The following ZCCHC14 variants were observed in gnomAD, a reference collection of about 807,000 sequenced individuals.
ZCCHC14 encodes the protein zinc finger CCHC-type containing 14.
ZCCHC14 carries 16 observed loss-of-function variants against 85.0 expected under a neutral mutation model. The observed-to-expected ratio is 0.19, with a 90% CI of 0.13 to 0.29. The LOEUF (loss-of-function observed/expected upper bound fraction) is 0.29, where lower values mean the gene tolerates loss of function less well. Ranked by LOEUF, ZCCHC14 falls within the 10% of genes least tolerant of loss-of-function variation. ZCCHC14 has a pLI of 1.00. For missense variants in ZCCHC14, 1,303 were observed against 1,443.5 expected, an observed-to-expected ratio of 0.90 and a Z score of 1.58; for synonymous variants, 775 against 630.7, an observed-to-expected ratio of 1.23 and a Z score of -3.43.
chr16:87,467,118 C>T, intron 1 of ZCCHC14: 2 of 768,222 alleles, frequency 2.6e-6, no homozygotes, highest in South Asian at 3.1e-5. Flanking sequence ...CTCCTGGCCT[C>T]AAAAGTGGTC....
At chr16:87,423,952 T>A (rs774003215) in intron 3 of ZCCHC14, 71 bp from the exon 4 acceptor site, 36 of 1,533,464 alleles carry the variant, frequency 2.3e-5, no homozygotes, top group Non-Finnish European at 3.2e-5. Flanking sequence ...CGTGTCCTGG[T>A]ACGACTGGGG....
At chr16:87,423,675 C>T (rs1054671554) in intron 4 of ZCCHC14, 135 bp downstream of exon 4, 1 of 941,166 alleles carries the variant, frequency 1.1e-6, no homozygotes, top group African/African-American at 1.7e-5. Flanking sequence ...TCCACTGTGG[C>T]TGGGCAGGAG....
At chr16:87,482,431 G>A (rs571012112) in intron 1 of ZCCHC14, among the ~76,000 whole-genome samples, 1 of 152,184 alleles carries the variant, frequency 6.6e-6, no homozygotes, top group Non-Finnish European at 1.5e-5. Context: ...CAGAACTGGC[G>A]AAGGCAGCGA....
At chr16:87,480,905 G>A (rs1479845476) in intron 1 of ZCCHC14, among the ~76,000 whole-genome samples, 1 of 152,212 alleles carries the variant, frequency 6.6e-6, no homozygotes, top group Non-Finnish European at 1.5e-5. Flanking sequence ...AGAAAGCACA[G>A]TGAGTAGGAG....
chr16:87,466,382 A>G (rs1387230052), intron 1 of ZCCHC14, among the ~76,000 whole-genome samples: 1 of 152,248 alleles, frequency 6.6e-6, no homozygotes, highest in African/African-American at 2.4e-5. Context: ...GGTCTGCAGA[A>G]GACTCGCTGC....
chr16:87,484,107 G>A (rs1278900015), intron 1 of ZCCHC14, among the ~76,000 whole-genome samples: 1 of 152,220 alleles, frequency 6.6e-6, no homozygotes, highest in African/African-American at 2.4e-5. Context: ...TGGTTTCTCT[G>A]GAAGGTTCTA....
chr16:87,477,982 A>G (rs1912099590), intron 1 of ZCCHC14, among the ~76,000 whole-genome samples: 1 of 150,524 alleles, frequency 6.6e-6, no homozygotes, highest in Non-Finnish European at 1.5e-5. Context: ...GCTGCCCATC[A>G]TTGCATGCAC....
At chr16:87,441,781 G>T (rs1910197738) in intron 2 of ZCCHC14, among the ~76,000 whole-genome samples, 1 of 152,104 alleles carries the variant, frequency 6.6e-6, no homozygotes, top group Non-Finnish European at 1.5e-5. Context: ...ACTTTTTTGG[G>T]GCCAACCTGT....
chr16:87,414,622 C>A (rs1908685941), intron 9 of ZCCHC14, 81 bp from the exon 10 acceptor site: 1 of 1,514,152 alleles, frequency 6.6e-7, no homozygotes, highest in Middle Eastern at 1.9e-4. Context: ...CGGGTCTACT[C>A]CACACCACAG....
At chr16:87,437,912 A>G (rs1179221373) in intron 2 of ZCCHC14, among the ~76,000 whole-genome samples, 1 of 152,236 alleles carries the variant, frequency 6.6e-6, no homozygotes, top group East Asian at 1.9e-4. Flanking sequence ...CTTTGGTCCA[A>G]CTGCACCACA....
intron 1 of ZCCHC14, chr16:87,473,194 A>C (rs1182177999): frequency 6.6e-6 from 1 of 150,876 alleles, no homozygotes; most frequent in African/African-American, 2.4e-5. Flanking sequence ...GGTTATCTTT[A>C]TCTACAGGAC....
At chr16:87,465,824 A>C (rs926836012) in intron 1 of ZCCHC14, among the ~76,000 whole-genome samples, 2 of 151,936 alleles carry the variant, frequency 1.3e-5, no homozygotes, top group African/African-American at 2.4e-5. Context: ...GCCTCCTCTT[A>C]TTTTTTTATT....
intron 1 of ZCCHC14, among the ~76,000 whole-genome samples, chr16:87,476,312 G>A (rs1348562354): frequency 1.3e-5 from 2 of 152,150 alleles, no homozygotes; most frequent in Admixed American, 6.5e-5. Flanking sequence ...GTTCCACTTA[G>A]GGGTTGGGGG....
intron 2 of ZCCHC14, among the ~76,000 whole-genome samples, chr16:87,435,352 C>T (rs996550807): frequency 6.6e-6 from 1 of 152,218 alleles, no homozygotes; most frequent in Non-Finnish European, 1.5e-5. Flanking sequence ...GTGGCTGCCA[C>T]GCTGGGCGGT....
At chr16:87,440,068 C>A (rs768358147) in intron 2 of ZCCHC14, among the ~76,000 whole-genome samples, 1 of 152,200 alleles carries the variant, frequency 6.6e-6, no homozygotes, top group Non-Finnish European at 1.5e-5. Context: ...CAGCTTTCTA[C>A]GCAGCCAAGA....
intron 2 of ZCCHC14, 98 bp from the exon 3 acceptor site, chr16:87,433,299 C>T: frequency 8.6e-7 from 1 of 1,161,232 alleles, no homozygotes; most frequent in African/African-American, 1.5e-5. Flanking sequence ...AAACCAGGTT[C>T]TCAGCACCCA....
At position 87,417,627 on chromosome 16, in the gene ZCCHC14, C is replaced by T; in HGVS notation, c.1216G>A (p.Gly406Ser). Reference sequence around the variant, plus strand: ...TGGGTCCGGTAGGCCAGGGCTGAGCCCGCGCTGCCCGCATGGGAGCAGTGA... The same window carrying T: ...TGGGTCCGGTAGGCCAGGGCTGAGCTCGCGCTGCCCGCATGGGAGCAGTGA... ...LPHCSHAGSA[G>S]SALAYRTQMD... Residue 406 changes from glycine (G) to serine (S), a missense_variant, in exon 8 of 13, where the codon GGC becomes AGC. Coordinates refer to ENST00000671377, the MANE Select transcript of ZCCHC14 (RefSeq NM_015144.3). The T allele has an allele frequency of 6.2e-7, 1 of 1,614,090 alleles. No homozygotes were observed. The highest frequency in any genetic ancestry group is 1.7e-5 in the Admixed American group (1 of 60,026).
In ZCCHC14 at chr16:87,412,753, C is replaced by G; in HGVS notation, c.1968G>C (p.Gly656=). 4 of 1,614,182 alleles carry G rather than the reference C, an allele frequency of 2.5e-6. No homozygotes were observed. Among genetic ancestry groups the G allele is most frequent in the Non-Finnish European group, 3.4e-6 (4 of 1,180,024 alleles). The change falls in exon 12 of 13, where the codon GGG becomes GGC. Residue 656 remains glycine (G), a synonymous_variant. Transcript: ENST00000671377. ...MLNSVHKPER[G]SADMKLLSSS... ...ACGAGAGGAGCTTCATGTCCGCGCT[C>G]CCTCTTTCCGGCTTGTGCACGGAAT...
At chr16:87,446,301 T>C (rs1910435060) in intron 2 of ZCCHC14, among the ~76,000 whole-genome samples, 1 of 152,020 alleles carries the variant, frequency 6.6e-6, no homozygotes, top group African/African-American at 2.4e-5. Flanking sequence ...CTGGCCAACA[T>C]GGCAAAACCT....
Sources: gnomAD v4.1 joint callset for allele counts (sites outside exome capture counted in the v4.1 genomes callset) on GRCh38, gnomAD v4.1.1 for gene constraint, MANE v1.5 for transcripts, NCBI Gene and HGNC (gene_info 2026-07-23, HGNC 2026-07-21) for gene names.